Variants in RFX4 observed in about 807,000 individuals in gnomAD.
RFX4 encodes the protein regulatory factor X4.
In RFX4, 10 loss-of-function variants were observed where a neutral mutation model predicts 95.0. That is an observed-to-expected ratio of 0.11 (90% confidence interval 0.06 to 0.18). The LOEUF is 0.18. RFX4 is among the 10% of genes least tolerant of loss of function. RFX4 has a pLI of 1.00. For missense variants in RFX4, 640 were observed against 922.0 expected (o/e 0.69, Z 3.96); for synonymous variants, 321 against 340.7 (o/e 0.94, Z 0.64).
chr12:106,661,333 C>T (rs573256913), intron 4 of RFX4, among the ~76,000 whole-genome samples: 27 of 152,304 alleles, frequency 1.8e-4, no homozygotes, highest in Admixed American at 3.3e-4. Flanking sequence ...ATTTAATCCT[C>T]GCATACTCTG....
chr12:106,708,576 G>A (rs2042132846), intron 8 of RFX4, among the ~76,000 whole-genome samples: 1 of 152,156 alleles, frequency 6.6e-6, no homozygotes, highest in Admixed American at 6.5e-5. Flanking sequence ...GGTGGTGTTG[G>A]TGGAAGGCAA....
At chr12:106,683,479 A>AC (rs1430261601) in intron 5 of RFX4, 18 of 147,188 alleles carry the variant, frequency 1.2e-4, no homozygotes, top group African/African-American at 4.3e-4. Flanking sequence ...AAAAAAAAAA[A>AC]AAAAAAAAAA....
intron 4 of RFX4, chr12:106,662,180 G>T: frequency 2.4e-6 from 1 of 413,410 alleles, no homozygotes; most frequent in South Asian, 1.8e-5. Context: ...CATTCCCACA[G>T]CAATAAATGA....
chr12:106,584,532 T>A (rs1051824153), intron 1 of RFX4, among the ~76,000 whole-genome samples: 1 of 152,134 alleles, frequency 6.6e-6, no homozygotes, highest in Non-Finnish European at 1.5e-5. Flanking sequence ...GGCCGTCCCC[T>A]GAGCATGCAC....
At chr12:106,699,222 ATCTT>A (rs1565984896) in intron 8 of RFX4, among the ~76,000 whole-genome samples, 1 of 152,128 alleles carries the variant, frequency 6.6e-6, no homozygotes, top group African/African-American at 2.4e-5. Flanking sequence ...TTTTCAAGAT[ATCTT>A]TCTATTAATA....
intron 1 of RFX4, chr12:106,601,221 G>T (rs1592836629): frequency 6.5e-7 from 1 of 1,548,718 alleles, no homozygotes; most frequent in African/African-American, 1.4e-5. Context: ...ACTCCTGTGT[G>T]TCGCCACTGC....
intron 17 of RFX4, among the ~76,000 whole-genome samples, chr12:106,751,438 T>C (rs980403306): frequency 4.0e-5 from 6 of 151,704 alleles, no homozygotes; most frequent in Non-Finnish European, 8.8e-5. Flanking sequence ...TTATAGTCCT[T>C]TGGGTGTATA....
chr12:106,657,677 G>A (rs1026929356), intron 4 of RFX4, among the ~76,000 whole-genome samples: 2 of 152,056 alleles, frequency 1.3e-5, no homozygotes. Flanking sequence ...CTTTAGACAG[G>A]AATAATCCCT....
chr12:106,756,341 C>T (rs1381844455), intron 17 of RFX4, among the ~76,000 whole-genome samples: 1 of 152,184 alleles, frequency 6.6e-6, no homozygotes, highest in Non-Finnish European at 1.5e-5. Flanking sequence ...TGTCAAGCAG[C>T]CATAGTGGAA....
chr12:106,621,633 G>C (rs966501017), intron 2 of RFX4, among the ~76,000 whole-genome samples: 1 of 152,190 alleles, frequency 6.6e-6, no homozygotes, highest in African/African-American at 2.4e-5. Context: ...CTAAGGACTT[G>C]AGGGGTAATT....
At chr12:106,635,094 G>A (rs2040484420) in intron 2 of RFX4, among the ~76,000 whole-genome samples, 1 of 152,186 alleles carries the variant, frequency 6.6e-6, no homozygotes, top group African/African-American at 2.4e-5. Flanking sequence ...CAAGTAAGTT[G>A]AGTGATTTGC....
intron 13 of RFX4, among the ~76,000 whole-genome samples, chr12:106,729,862 G>A (rs188004494): frequency 1.3e-3 from 191 of 152,344 alleles, no homozygotes; most frequent in Middle Eastern, 6.8e-3. Flanking sequence ...ACACAGTGCT[G>A]TACCTCCTCA....
intron 17 of RFX4, among the ~76,000 whole-genome samples, chr12:106,760,090 C>A (rs1181123403): frequency 6.6e-6 from 1 of 152,188 alleles, no homozygotes; most frequent in Non-Finnish European, 1.5e-5. Context: ...CCCACCTAAT[C>A]CCCTGGGCCT....
chr12:106,711,522 T>G lies in RFX4; in HGVS notation c.993+11T>G. The G allele has an allele frequency of 6.2e-7, 1 of 1,613,590 alleles. No homozygotes were observed. Among genetic ancestry groups the G allele is most frequent in the East Asian group, 2.2e-5 (1 of 44,884 alleles). On this transcript the variant is annotated intron_variant, in intron 10 of 17. Transcript: ENST00000392842. ...AATCATCTCTGCCAGGTAGCTGTCC[T>G]CCATTATGTGTTTTAATCACTGCTG...
At chr12:106,745,912 T>C (rs1465548766) in intron 15 of RFX4, among the ~76,000 whole-genome samples, 2 of 152,208 alleles carry the variant, frequency 1.3e-5, no homozygotes, top group African/African-American at 2.4e-5. Context: ...TTGCTATTAA[T>C]GATTTATCAA....
At chr12:106,728,137 CTTTG>C (rs1421833805) in intron 13 of RFX4, among the ~76,000 whole-genome samples, 2 of 151,964 alleles carry the variant, frequency 1.3e-5, no homozygotes, top group Non-Finnish European at 2.9e-5. Flanking sequence ...AGATGAAATG[CTTTG>C]ATTCTACCAA....
chr12:106,586,532 G>C lies in RFX4; in HGVS notation c.43+3169G>C, dbSNP rs2039460827. Among the ~76,000 whole-genome samples the C allele has an allele frequency of 6.6e-6, 1 of 151,086 alleles. No individual in the cohort carries two copies. Among genetic ancestry groups the C allele is most frequent in the Non-Finnish European group, 1.5e-5 (1 of 67,924 alleles). On this transcript the variant is annotated intron_variant, in intron 1 of 17. Transcript: ENST00000392842. The surrounding 1 kb of genome is among the most constrained non-coding windows in gnomAD (Gnocchi z 5.6). Reference sequence around the variant, plus strand: ...ACAGAAGGATCATTTCTTTTAAAACGGGATGGCGCGTTAGAGAGGGCCACT... The same window carrying C: ...ACAGAAGGATCATTTCTTTTAAAACCGGATGGCGCGTTAGAGAGGGCCACT...
intron 1 of RFX4, among the ~76,000 whole-genome samples, chr12:106,592,618 C>G (rs371377191): frequency 1.3e-5 from 2 of 151,628 alleles, no homozygotes; most frequent in South Asian, 2.1e-4. Context: ...GCCTTCCCCC[C>G]ACCCCAGCCC....
intron 13 of RFX4, among the ~76,000 whole-genome samples, chr12:106,726,853 C>A (rs1432512364): frequency 6.6e-6 from 1 of 152,056 alleles, no homozygotes; most frequent in Non-Finnish European, 1.5e-5. Flanking sequence ...CTCACTGCAA[C>A]CTCCGCCTCC....
Sources: gnomAD v4.1 joint callset for allele counts (sites outside exome capture counted in the v4.1 genomes callset) on GRCh38, gnomAD v4.1.1 for gene constraint, Gnocchi (gnomAD v3.1) non-coding constraint, MANE v1.5 for transcripts, NCBI Gene and HGNC (gene_info 2026-07-23, HGNC 2026-07-21) for gene names.